Variants in CSNK1G1 observed in about 807,000 individuals in gnomAD.
CSNK1G1 encodes casein kinase I isoform gamma-1.
Under a neutral mutation model 59.6 loss-of-function variants are expected in CSNK1G1, and 22 were observed. The ratio of observed to expected loss-of-function variants is 0.37; its 90% CI spans 0.26 to 0.53. The LOEUF is 0.53. Among genes scored for constraint, CSNK1G1 ranks in the 20% least tolerant of loss-of-function variants. The probability of loss-of-function intolerance (pLI) is 0.89; values close to 1 mark genes in which losing one functional copy is unlikely to be tolerated. For synonymous variants in CSNK1G1, 179 were observed against 177.1 expected, an observed-to-expected ratio of 1.01 and a Z score of -0.08; for missense variants, 384 against 519.5, an observed-to-expected ratio of 0.74 and a Z score of 2.54.
At chr15:64,292,464 A>G (rs951819016) in intron 2 of CSNK1G1, among the ~76,000 whole-genome samples, 6 of 152,242 alleles carry the variant, frequency 3.9e-5, no homozygotes, top group African/African-American at 1.2e-4. Flanking sequence ...GGAAAAGATC[A>G]AAAAGGTTAA....
rs1289530248 is a variant in CSNK1G1 at position 64,200,642 on chromosome 15, G to A, written c.1107+2440C>T. 6.6e-6 allele frequency among the ~76,000 whole-genome samples: 1 copy of A among 152,194 alleles called. No homozygotes were observed. The highest frequency in any genetic ancestry group is 1.5e-5 in the Non-Finnish European group (1 of 68,032). On this transcript the variant is annotated intron_variant, in intron 10 of 11. Transcript: ENST00000303052. This position sits in a 1 kb window ranked among gnomAD's most constrained non-coding sequence, Gnocchi z 4.3. ...ATTACAGGCGTGAGCCACTGCGCCT[G>A]GCCGCATTATAGAGTAATAAAACTT...
In CSNK1G1 at chr15:64,188,729, G is replaced by A. The variant is rs995817643; in HGVS notation, c.1108-8275C>T. Among the ~76,000 whole-genome samples, 2 of 146,536 alleles carry A rather than the reference G, an allele frequency of 1.4e-5. No individual in the cohort carries two copies. Among genetic ancestry groups the A allele is most frequent in the African/African-American group, 2.4e-5 (1 of 41,288 alleles). ...TACCCAGAACCAGAAAACCAATAAC[G>A]ACCAAAAGAGGAGGGAGGGGGAAAA... On this transcript the variant is annotated intron_variant, in intron 10 of 11. Transcript: ENST00000303052. This position sits in a 1 kb window ranked among gnomAD's most constrained non-coding sequence, Gnocchi z 4.2.
At chr15:64,304,383 C>CAAAAAAAAAAAAAAAAAA (rs3057017) in intron 1 of CSNK1G1, among the ~76,000 whole-genome samples, 1 of 70,732 alleles carries the variant, frequency 1.4e-5, no homozygotes, top group Non-Finnish European at 2.7e-5. Flanking sequence ...AACTCCACCT[C>CAAAAAAAAAAAAAAAAAA]AAAAAAAAAA....
intron 4 of CSNK1G1, among the ~76,000 whole-genome samples, chr15:64,244,340 A>G (rs980034127): frequency 2.1e-4 from 32 of 150,660 alleles, no homozygotes; most frequent in Non-Finnish European, 3.2e-4. Flanking sequence ...GAAACTGTAA[A>G]ACACTGGTGA....
intron 1 of CSNK1G1, among the ~76,000 whole-genome samples, chr15:64,324,257 G>A (rs1048624083): frequency 1.3e-5 from 2 of 152,166 alleles, no homozygotes; most frequent in African/African-American, 4.8e-5. Flanking sequence ...TGGACTGAAG[G>A]ATGCAAAGTA....
chr15:64,349,696 T>C (rs1898175549), intron 1 of CSNK1G1, among the ~76,000 whole-genome samples: 1 of 152,206 alleles, frequency 6.6e-6, no homozygotes, highest in Admixed American at 6.6e-5. Flanking sequence ...TGAGTCTTTC[T>C]GGTCCGCTAA....
chr15:64,229,780 T>C (rs2082517878), intron 4 of CSNK1G1, among the ~76,000 whole-genome samples: 2 of 151,682 alleles, frequency 1.3e-5, no homozygotes, highest in Admixed American at 1.3e-4. Flanking sequence ...AATTCTCCTC[T>C]CCCTCTCTCA....
chr15:64,295,285 A>G (rs1894961431), intron 2 of CSNK1G1, among the ~76,000 whole-genome samples: 1 of 152,098 alleles, frequency 6.6e-6, no homozygotes, highest in Non-Finnish European at 1.5e-5. Context: ...ATTTATATAC[A>G]CTGCTCGAGG....
chr15:64,196,852 C>T (rs2082045320), intron 10 of CSNK1G1, among the ~76,000 whole-genome samples: 1 of 151,784 alleles, frequency 6.6e-6, no homozygotes, highest in Non-Finnish European at 1.5e-5. Context: ...ACTCTAGCTG[C>T]CAAACAGAGG....
At position 64,250,153 on chromosome 15, in the gene CSNK1G1, G is replaced by C. The variant is rs551746424; in HGVS notation, c.292+1359C>G. On this transcript the variant is annotated intron_variant, in intron 4 of 11. Transcript: ENST00000303052. ...TAAAATGTAGTCCTGGGGCATGTGGGAAGATAAGCCTCAAGTTATGTATAC... is the reference window on the plus strand; with the variant it reads ...TAAAATGTAGTCCTGGGGCATGTGGCAAGATAAGCCTCAAGTTATGTATAC... Among the ~76,000 whole-genome samples the C allele has an allele frequency of 2.0e-5, 3 of 152,282 alleles. No individual in the cohort carries two copies. In the East Asian group the frequency reaches 5.8e-4, roughly 29 times the overall value.
rs200083882 is a variant in CSNK1G1, at chr15:64,216,648, G to A, written c.358C>T (p.Leu120Phe). 2.5e-6 allele frequency: 4 copies of A among 1,613,950 alleles called. No homozygotes were observed. In the East Asian group the frequency reaches 6.7e-5, roughly 27 times the overall value. ...CGKYNAMVLE[L>F]LGPSLEDLFD... Reference sequence around the variant, plus strand: ...AAGTCCTCCAAGCTAGGGCCAAGGAGCTCCAGCACCATGGCATTATATTTC... The same window carrying A: ...AAGTCCTCCAAGCTAGGGCCAAGGAACTCCAGCACCATGGCATTATATTTC... Residue 120 changes from leucine (L) to phenylalanine (F), a missense_variant, in exon 5 of 12, where the codon CTC becomes TTC. Leu to Phe is a conservative substitution (Grantham distance 22). Transcript: ENST00000303052. The surrounding 1 kb of genome is among the most constrained non-coding windows in gnomAD (Gnocchi z 4.6).
chr15:64,199,688 A>G (rs1219488740), intron 10 of CSNK1G1, among the ~76,000 whole-genome samples: 1 of 152,048 alleles, frequency 6.6e-6, no homozygotes, highest in Non-Finnish European at 1.5e-5. Flanking sequence ...CCCTGTCTCT[A>G]CTAAAATACA....
chr15:64,342,997 A>C (rs1897753974), intron 1 of CSNK1G1, among the ~76,000 whole-genome samples: 1 of 152,084 alleles, frequency 6.6e-6, no homozygotes, highest in African/African-American at 2.4e-5. Flanking sequence ...CATTTTGAAA[A>C]GTACTATTCT....
At chr15:64,204,034 T>C (rs1003206459) in intron 9 of CSNK1G1, among the ~76,000 whole-genome samples, 7 of 151,626 alleles carry the variant, frequency 4.6e-5, no homozygotes, top group African/African-American at 1.5e-4. Flanking sequence ...TCCTAGCTAC[T>C]TGGGAGGCTG....
intron 1 of CSNK1G1, chr15:64,316,724 TA>T (rs904660210): frequency 8.5e-5 from 13 of 152,176 alleles, no homozygotes; most frequent in African/African-American, 3.1e-4. Flanking sequence ...GCCTGGTAGT[TA>T]AAAATCAAGC....
intron 2 of CSNK1G1, among the ~76,000 whole-genome samples, chr15:64,263,324 G>A (rs985370995): frequency 6.6e-6 from 1 of 151,822 alleles, no homozygotes; most frequent in African/African-American, 2.4e-5. Flanking sequence ...GAGCGGCTAG[G>A]ATTACAGGTG....
chr15:64,308,416 A>G (rs1895805431), intron 1 of CSNK1G1, among the ~76,000 whole-genome samples: 1 of 140,480 alleles, frequency 7.1e-6, no homozygotes, highest in African/African-American at 2.6e-5. Context: ...TTATATACAC[A>G]TTTTTAGAAC....
At chr15:64,325,313 G>A (rs536935498) in intron 1 of CSNK1G1, among the ~76,000 whole-genome samples, 3 of 152,218 alleles carry the variant, frequency 2.0e-5, no homozygotes, top group African/African-American at 7.2e-5. Context: ...TTCTACAAAT[G>A]TATATGCTCA....
chr15:64,297,040 T>TC (rs973955475), intron 2 of CSNK1G1, among the ~76,000 whole-genome samples: 12 of 150,298 alleles, frequency 8.0e-5, no homozygotes, highest in Non-Finnish European at 1.5e-4. Context: ...TGCTTTATTT[T>TC]CCCCCCTCTT....
Sources: allele counts gnomAD v4.1 joint callset (sites outside exome capture counted in the v4.1 genomes callset), GRCh38; gene constraint gnomAD v4.1.1; non-coding constraint Gnocchi (gnomAD v3.1); transcripts MANE v1.5; gene names NCBI Gene and HGNC (gene_info 2026-07-23, HGNC 2026-07-21).